MAP3K14: variants seen among roughly 807,000 people sequenced by gnomAD.
MAP3K14 encodes NF-kappa-beta-inducing kinase.
In MAP3K14, 16 loss-of-function variants were observed where a neutral mutation model predicts 99.2. That is an observed-to-expected ratio of 0.16 (90% CI 0.11 to 0.24). The LOEUF (loss-of-function observed/expected upper bound fraction) is 0.24. Among genes scored for constraint, MAP3K14 ranks in the 10% least tolerant of loss-of-function variants. MAP3K14 has a pLI of 1.00. For missense variants in MAP3K14, 784 were observed against 1,208.7 expected (o/e 0.65, Z 5.21); for synonymous variants, 462 against 492.4 (o/e 0.94, Z 0.82).
chr17:45,279,675 G>A (rs528685382), intron 6 of MAP3K14, among the ~76,000 whole-genome samples: 251 of 151,852 alleles, frequency 1.7e-3, no homozygotes, highest in African/African-American at 5.7e-3. Context: ...TGCCCACCTC[G>A]GCCTCCCAAA....
intron 1 of MAP3K14, among the ~76,000 whole-genome samples, chr17:45,292,035 T>G (rs1403179278): frequency 6.6e-6 from 1 of 152,242 alleles, no homozygotes; most frequent in African/African-American, 2.4e-5. Context: ...CTTCTGAATC[T>G]GCCTCACTGG....
At chr17:45,294,458 T>A (rs1291726351) in intron 1 of MAP3K14, among the ~76,000 whole-genome samples, 1 of 152,148 alleles carries the variant, frequency 6.6e-6, no homozygotes, top group East Asian at 1.9e-4. Context: ...AAAAATGTAA[T>A]TTGCATTTTT....
rs1202231974 is a variant in MAP3K14 at position 45,264,879 on chromosome 17, C to T, written c.2680-79G>A. ...GTAGAAAGGTAAAGACATCTCCTTC[C>T]AGCCAGACCGGCAGCCCTAAGGGCA... On this transcript the variant is annotated intron_variant, in intron 15 of 15. Coordinates refer to ENST00000344686, the MANE Select transcript of MAP3K14 (RefSeq NM_003954.5). 33 of 1,464,518 alleles carry T rather than the reference C, an allele frequency of 2.3e-5. 1 individual carries two copies. Among genetic ancestry groups the T allele is most frequent in the South Asian group, 1.6e-4 (12 of 76,686 alleles). The allele number at this position is 1,464,518 out of a possible 1,614,324, so 90.7% of individuals were successfully genotyped here.
At chr17:45,265,105 G>A (rs773158271) in intron 15 of MAP3K14, 58 bp downstream of exon 15, 12 of 1,367,442 alleles carry the variant, frequency 8.8e-6, no homozygotes, top group Non-Finnish European at 1.3e-5. Context: ...CTGGAGGGTG[G>A]GGCCAGCTGC....
chr17:45,298,682 G>C (rs2143846876), intron 1 of MAP3K14, among the ~76,000 whole-genome samples: 1 of 152,346 alleles, frequency 6.6e-6, no homozygotes, highest in African/African-American at 2.4e-5. Context: ...TCTAGCTGCA[G>C]AGCAAGGATC....
chr17:45,266,679 G>A lies in MAP3K14; in HGVS notation c.2436C>T (p.Asn812=), dbSNP rs1011150275. The A allele has an allele frequency of 1.2e-6, 2 of 1,607,606 alleles. No individual in the cohort carries two copies. Among genetic ancestry groups the A allele is most frequent in the Non-Finnish European group, 1.7e-6 (2 of 1,175,270 alleles). The change falls in exon 14 of 16, where the codon AAC becomes AAT. Residue 812 remains asparagine (N), a splice_region_variant and synonymous_variant. Transcript: ENST00000344686. ...SLSLSDDSEK[N]PSKASQSSRD... is the part of the protein sequence containing the mutation. ...GCGAGCTTTGAGAGGCCTTTGATGG[G>A]TTCTGAAACAACAGGATTGGGTACG...
chr17:45,290,729 A>G lies in MAP3K14; in HGVS notation c.17T>C (p.Met6Thr). MAVME[M>T]ACPGAPGSAV... ...TGAGCCAGGGGCACCTGGGCAGGCC[A>G]TTTCCATCACTGCCATCTCCCAGGC... Residue 6 changes from methionine to threonine, a missense_variant, in exon 2 of 16, where the codon ATG (methionine) becomes ACG (threonine). Met to Thr is a moderately conservative substitution (Grantham distance 81, BLOSUM62 -1). Coordinates refer to ENST00000344686, the MANE Select transcript of MAP3K14 (RefSeq NM_003954.5). 6.2e-7 allele frequency: 1 copy of G among 1,612,910 alleles called. No individual in the cohort carries two copies. The highest frequency in any genetic ancestry group is 1.7e-5 in the Admixed American group (1 of 59,938).
At chr17:45,290,879 T>C (rs2044304865) in intron 1 of MAP3K14, 114 bp from the exon 2 acceptor site, 1 of 970,468 alleles carries the variant, frequency 1.0e-6, no homozygotes, top group African/African-American at 1.6e-5. Context: ...CCTGTTTATG[T>C]GTGCCTCTGC....
Position 45,274,455 on chromosome 17 carries a change from G to A in MAP3K14, c.1420+9C>T. The A allele has an allele frequency of 6.2e-7, 1 of 1,613,378 alleles. No homozygotes were observed. The highest frequency in any genetic ancestry group is 8.5e-7 in the Non-Finnish European group (1 of 1,179,624). ...GAATTTGGAGAAAGAGTGGGACCTG[G>A]CTCCTTACCTTCCAGCAGCTCCATG... On this transcript the variant is annotated intron_variant, in intron 7 of 15. Coordinates refer to ENST00000344686, the MANE Select transcript of MAP3K14 (RefSeq NM_003954.5).
chr17:45,264,440 T>TG lies in MAP3K14; in HGVS notation c.*195dup, dbSNP rs1384909612. 1.7e-6 allele frequency: 1 copy of TG among 605,116 alleles called. No individual in the cohort carries two copies. The highest frequency in any genetic ancestry group is 3.2e-5 in the Admixed American group (1 of 31,662). 37.5% of individuals were successfully genotyped at this position (605,116 alleles called of 1,614,324 possible). A position where few individuals can be genotyped will look rare whatever the true frequency, so the allele number is the denominator to read the frequency against. On this transcript the variant is annotated 3_prime_UTR_variant, in exon 16 of 16. Transcript: ENST00000344686. The stretch of plus-strand genomic sequence containing the variant: ...GTGGCGGAGTGTTTTCTCAGCAGGG[T>TG]GGGGCAGGGCTCAGGTGTGAAATCC...
rs369531162 is a variant in MAP3K14, at chr17:45,287,263, C to T, written c.428G>A (p.Arg143Gln). Reference protein sequence around the residue: ...CWKGKRRSKARKKRKKKSSKS... With the variant: ...CWKGKRRSKAQKKRKKKSSKS... Reference sequence around the variant, plus strand: ...TGAGCTCTTCTTCTTCCGTTTCTTCCGGGCTTTGCTGCGACGCTTTCCCTT... The same window carrying T: ...TGAGCTCTTCTTCTTCCGTTTCTTCTGGGCTTTGCTGCGACGCTTTCCCTT... Residue 143 changes from arginine (R) to glutamine (Q), a missense_variant, in exon 4 of 16, where the codon CGG becomes CAG. Around this residue, in one of 5 missense-constraint regions of MAP3K14, gnomAD observed 188 missense variants for 313.0 expected, o/e 0.60. Coordinates refer to ENST00000344686, the MANE Select transcript of MAP3K14 (RefSeq NM_003954.5). 9.9e-5 allele frequency: 160 copies of T among 1,613,876 alleles called. 1 individual carries two copies. In the Admixed American group the frequency reaches 2.3e-3, roughly 23 times the overall value.
chr17:45,266,437 C>A, intron 14 of MAP3K14, 100 bp downstream of exon 14: 1 of 1,451,430 alleles, frequency 6.9e-7, no homozygotes, highest in African/African-American at 1.4e-5. Flanking sequence ...CTCCCTCCCA[C>A]TGTGCCAGAG....
chr17:45,285,817 TGGTACACGCTTGTAGTCCCA>T (rs758365230), intron 5 of MAP3K14, among the ~76,000 whole-genome samples: 19 of 151,702 alleles, frequency 1.3e-4, no homozygotes, highest in Admixed American at 1.1e-3. Flanking sequence ...CTGGGCGTGG[TGGTACACGCTTGTAGTCCCA>T]GCTACTCGGG....
chr17:45,287,890 C>T (rs2044280080), intron 3 of MAP3K14, among the ~76,000 whole-genome samples: 1 of 152,200 alleles, frequency 6.6e-6, no homozygotes, highest in Non-Finnish European at 1.5e-5. Context: ...TCCTGGGGGT[C>T]CCTGGCTGCT....
At chr17:45,273,879 A>G in intron 8 of MAP3K14, 1 of 635,688 alleles carries the variant, frequency 1.6e-6, no homozygotes, top group Non-Finnish European at 2.8e-6. Flanking sequence ...ACCCCATACC[A>G]GGGGTCACCA....
chr17:45,291,136 C>T (rs903152258), intron 1 of MAP3K14, among the ~76,000 whole-genome samples: 3 of 152,140 alleles, frequency 2.0e-5, no homozygotes, highest in African/African-American at 7.2e-5. Context: ...AACTTTGTTT[C>T]CCCAGGACAG....
chr17:45,297,723 T>C (rs1403527612), intron 1 of MAP3K14, among the ~76,000 whole-genome samples: 3 of 149,002 alleles, frequency 2.0e-5, no homozygotes, highest in Non-Finnish European at 4.5e-5. Flanking sequence ...AATCTTTTTT[T>C]TTTTTTTTTT....
At chr17:45,271,250 C>T (rs1265088950) in intron 9 of MAP3K14, 29 bp from the exon 10 acceptor site, 15 of 1,579,872 alleles carry the variant, frequency 9.5e-6, no homozygotes, top group Non-Finnish European at 1.1e-5. Flanking sequence ...CATAAAGTTA[C>T]CTGGAATGCT....
chr17:45,268,061 A>C, intron 11 of MAP3K14: 1 of 317,458 alleles, frequency 3.2e-6, no homozygotes, highest in Non-Finnish European at 5.7e-6. Context: ...GACTTTGTTA[A>C]CAAGAAAGAG....
Sources: allele counts gnomAD v4.1 joint callset (sites outside exome capture counted in the v4.1 genomes callset), GRCh38; gene constraint gnomAD v4.1.1; regional missense constraint gnomAD v4.1.1; transcripts MANE v1.5; gene names NCBI Gene and HGNC (gene_info 2026-07-23, HGNC 2026-07-21).